FIP1L1: variants seen among roughly 807,000 people sequenced by gnomAD.
FIP1L1 encodes the protein pre-mRNA 3'-end-processing factor FIP1.
A neutral mutation model predicts 84.6 loss-of-function variants in FIP1L1; 21 were observed. The observed-to-expected ratio is 0.25, with a 90% CI of 0.18 to 0.36. The LOEUF (loss-of-function observed/expected upper bound fraction) is 0.36, where lower values mean the gene tolerates loss of function less well. Ranked by LOEUF, FIP1L1 falls within the 10% of genes least tolerant of loss-of-function variation. The pLI, the probability that FIP1L1 is intolerant of heterozygous loss-of-function variation, is 1.00. For synonymous variants in FIP1L1, 263 were observed against 242.3 expected (o/e 1.09, Z -0.80); for missense variants, 526 against 751.1 (o/e 0.70, Z 3.50).
chr4:53,400,847 AAGC>A (rs1185034381), intron 10 of FIP1L1, among the ~76,000 whole-genome samples: 1 of 152,202 alleles, frequency 6.6e-6, no homozygotes, highest in African/African-American at 2.4e-5. Flanking sequence ...TATGACAGCT[AAGC>A]TTTAAATATG....
At chr4:53,448,703 A>G (rs1310400147) in intron 15 of FIP1L1, among the ~76,000 whole-genome samples, 1 of 152,098 alleles carries the variant, frequency 6.6e-6, no homozygotes, top group Non-Finnish European at 1.5e-5. Flanking sequence ...TTACTATACC[A>G]TATTGCAATT....
rs1454365946 is a variant in FIP1L1, at chr4:53,390,609, T to C, written c.486T>C (p.Asp162=). ...AGGTAGATTTGGATTCTTTTGAAGA[T>C]AAACCATGGCGTAAACCTGGTAAGA... is the stretch of plus-strand genomic sequence containing the variant. ...LLEVDLDSFE[D]KPWRKPGADL... is the part of the protein sequence containing the mutation. The change falls in exon 7 of 18, where the codon GAT becomes GAC. Residue 162 remains aspartate, a synonymous_variant. Coordinates refer to ENST00000337488, the MANE Select transcript of FIP1L1 (RefSeq NM_030917.4). 4.4e-6 allele frequency: 7 copies of C among 1,607,824 alleles called. No individual in the cohort carries two copies. In the Admixed American group the frequency reaches 6.7e-5, roughly 15 times the overall value.
At chr4:53,409,591 T>C (rs1378892216) in intron 10 of FIP1L1, among the ~76,000 whole-genome samples, 3 of 152,216 alleles carry the variant, frequency 2.0e-5, no homozygotes, top group Non-Finnish European at 4.4e-5. Flanking sequence ...CTGCCCCCAG[T>C]AGTGGAGCCT....
In FIP1L1 at chr4:53,439,141, G is replaced by A. The variant is rs189302619; in HGVS notation, c.1175-3512G>A. Among the ~76,000 whole-genome samples, 50 of 152,224 alleles carry A rather than the reference G, an allele frequency of 3.3e-4. 1 individual carries two copies. In the Middle Eastern group the frequency reaches 0.024, roughly 72 times the overall value. On this transcript the variant is annotated intron_variant, in intron 13 of 17. Transcript: ENST00000337488. ...ATATATTAAAAACATTTAATGATCTGCCTTCCTTACTTTTCTCATTTACTT... is the reference window on the plus strand; with the variant it reads ...ATATATTAAAAACATTTAATGATCTACCTTCCTTACTTTTCTCATTTACTT...
At chr4:53,433,232 T>G (rs2150091320) in intron 13 of FIP1L1, among the ~76,000 whole-genome samples, 1 of 152,326 alleles carries the variant, frequency 6.6e-6, no homozygotes. Flanking sequence ...CACCATGAGC[T>G]GTACCTAAAA....
At chr4:53,392,528 G>T (rs897982983) in intron 9 of FIP1L1, among the ~76,000 whole-genome samples, 9 of 152,204 alleles carry the variant, frequency 5.9e-5, no homozygotes, top group Admixed American at 1.3e-4. Flanking sequence ...AGGGTCATCA[G>T]TTTTTTCTGG....
chr4:53,404,279 T>C (rs13134518), intron 10 of FIP1L1, among the ~76,000 whole-genome samples: 3 of 150,574 alleles, frequency 2.0e-5, no homozygotes, highest in Non-Finnish European at 3.0e-5. Context: ...TTTGTTCTTG[T>C]GATAGTTTAC....
chr4:53,414,556 A>G (rs1291091979), intron 10 of FIP1L1, 59 bp from the exon 11 acceptor site: 17 of 1,180,652 alleles, frequency 1.4e-5, no homozygotes, highest in Non-Finnish European at 2.0e-5. Context: ...AAAAAACAGA[A>G]CAAGGGGGGT....
chr4:53,397,525 G>A (rs1748038102), intron 9 of FIP1L1, among the ~76,000 whole-genome samples: 1 of 152,172 alleles, frequency 6.6e-6, no homozygotes, highest in Non-Finnish European at 1.5e-5. Context: ...GGTAGTCTCT[G>A]TCTGTTGATA....
At chr4:53,423,681 G>A (rs1365181680) in intron 11 of FIP1L1, among the ~76,000 whole-genome samples, 1 of 152,038 alleles carries the variant, frequency 6.6e-6, no homozygotes, top group African/African-American at 2.4e-5. Flanking sequence ...AAAAAATACG[G>A]GCACAAGGAG....
intron 11 of FIP1L1, among the ~76,000 whole-genome samples, chr4:53,415,784 G>A (rs1414210073): frequency 1.3e-5 from 2 of 152,088 alleles, no homozygotes; most frequent in Non-Finnish European, 2.9e-5. Context: ...TGTTAGGAAA[G>A]AAGTTAGTCA....
At position 53,452,912 on chromosome 4, in the gene FIP1L1, T is replaced by C. The variant is rs375116206; in HGVS notation, c.1286-8T>C. On this transcript the variant is annotated splice_polypyrimidine_tract_variant and splice_region_variant and intron_variant, in intron 15 of 17. Coordinates refer to ENST00000337488, the MANE Select transcript of FIP1L1 (RefSeq NM_030917.4). ...TAACGTTTGTTTTTAATCGTGTTTT[T>C]TCTTTAGTTGCCTTTCCCCATCTTC... 26 of 1,611,498 alleles carry C rather than the reference T, an allele frequency of 1.6e-5. No individual in the cohort carries two copies. In the African/African-American group the frequency reaches 3.3e-4, roughly 21 times the overall value.
At chr4:53,385,334 G>T (rs1415338202) in intron 5 of FIP1L1, among the ~76,000 whole-genome samples, 1 of 151,830 alleles carries the variant, frequency 6.6e-6, no homozygotes, top group East Asian at 1.9e-4. Context: ...CCTTTTTTTG[G>T]TAGAAATTGC....
At position 53,390,686 on chromosome 4, in the gene FIP1L1, A is replaced by T. The variant is rs1743795807; in HGVS notation, c.505+58A>T. 2.5e-6 allele frequency: 3 copies of T among 1,186,132 alleles called. No individual in the cohort carries two copies. The South Asian group carries it at 4.3e-5, about 17-fold the overall frequency. 73.5% of individuals were successfully genotyped at this position (1,186,132 alleles called of 1,614,324 possible). A position where few individuals can be genotyped will look rare whatever the true frequency, so the allele number is the denominator to read the frequency against. On this transcript the variant is annotated intron_variant, in intron 7 of 17. Coordinates refer to ENST00000337488, the MANE Select transcript of FIP1L1 (RefSeq NM_030917.4). Reference sequence around the variant, plus strand: ...ATTTTCAGTGTGAAGTCATCAGAAAATTTTTTTGAACATCAATTTAGAATT... The same window carrying T: ...ATTTTCAGTGTGAAGTCATCAGAAATTTTTTTTGAACATCAATTTAGAATT...
At chr4:53,386,161 C>G (rs1325871665) in intron 5 of FIP1L1, among the ~76,000 whole-genome samples, 1 of 151,522 alleles carries the variant, frequency 6.6e-6, no homozygotes, top group Non-Finnish European at 1.5e-5. Flanking sequence ...TGTTACCTAT[C>G]TCTGTGAGAT....
At chr4:53,445,496 A>G (rs184968732) in intron 15 of FIP1L1, among the ~76,000 whole-genome samples, 2 of 152,356 alleles carry the variant, frequency 1.3e-5, no homozygotes, top group African/African-American at 4.8e-5. Context: ...GGGAATGAGT[A>G]GTTCTCAAAG....
chr4:53,446,074 A>G (rs769110728), intron 15 of FIP1L1, among the ~76,000 whole-genome samples: 4 of 152,176 alleles, frequency 2.6e-5, no homozygotes, highest in African/African-American at 7.2e-5. Flanking sequence ...AGGTATCTCT[A>G]TCAGGGTATC....
intron 4 of FIP1L1, among the ~76,000 whole-genome samples, chr4:53,383,147 T>C (rs1738988804): frequency 6.6e-6 from 1 of 152,244 alleles, no homozygotes; most frequent in East Asian, 1.9e-4. Flanking sequence ...AATTTTATCT[T>C]GTAGGTATCT....
Position 53,390,994 on chromosome 4 carries a change from G to T in FIP1L1, c.506-15G>T, listed in dbSNP as rs778556878. On this transcript the variant is annotated splice_polypyrimidine_tract_variant and intron_variant, in intron 7 of 17. Transcript: ENST00000337488. Reference sequence around the variant, plus strand: ...GCTGAAATATTTGTACACTAAAGTTGTGTTTTATCTTTAGGTGCTGATCTT... The same window carrying T: ...GCTGAAATATTTGTACACTAAAGTTTTGTTTTATCTTTAGGTGCTGATCTT... 3.1e-5 allele frequency: 49 copies of T among 1,569,092 alleles called. No individual in the cohort carries two copies. The highest frequency in any genetic ancestry group is 4.0e-5 in the Non-Finnish European group (47 of 1,161,542).
Sources: allele counts gnomAD v4.1 joint callset (sites outside exome capture counted in the v4.1 genomes callset), GRCh38; gene constraint gnomAD v4.1.1; transcripts MANE v1.5; gene names NCBI Gene and HGNC (gene_info 2026-07-23, HGNC 2026-07-21).